LHB: variants seen among roughly 807,000 people sequenced by gnomAD.
LHB encodes luteinizing hormone subunit beta.
LHB carries 11 observed loss-of-function variants against 10.6 expected under a neutral mutation model. That is an observed-to-expected ratio of 1.04 (90% CI 0.66 to 1.72). The LOEUF is 1.72. Ranked by LOEUF, LHB falls within the 40% of genes most tolerant of loss-of-function variation. LHB has a pLI of 0.00. For synonymous variants in LHB, 86 were observed against 83.1 expected (o/e 1.03, Z -0.19); for missense variants, 184 against 197.3 (o/e 0.93, Z 0.41).
upstream of LHB, chr19:49,018,790 T>A: frequency 8.2e-7 from 1 of 1,217,284 alleles, no homozygotes; most frequent in South Asian, 1.3e-5. Context: ...GCTCAGGGAA[T>A]GGGAGCCAGC....
chr19:49,016,255 C>G lies in LHB; in HGVS notation c.239G>C (p.Arg80Pro). The change falls in exon 3 of 3, where the codon CGT becomes CCT. Residue 80 changes from arginine (R) to proline (P), a missense_variant. Transcript: ENST00000649238. ...PPLPQVVCTY[R>P]DVRFESIRLP... ...CCGGATGGACTCGAAGCGCACATCA[C>G]GGTAGGTGCACACCACCTGAGGCAG... is the stretch of plus-strand genomic sequence containing the variant. 1 of 1,612,358 alleles carries G rather than the reference C, an allele frequency of 6.2e-7. No individual in the cohort carries two copies. Among genetic ancestry groups the G allele is most frequent in the Non-Finnish European group, 8.5e-7 (1 of 1,179,876 alleles).
upstream of LHB, chr19:49,017,173 A>G: frequency 6.3e-7 from 1 of 1,590,456 alleles, no homozygotes; most frequent in Non-Finnish European, 8.6e-7. Context: ...ATGCTGGGGT[A>G]ACCTGGACAC....
Position 49,016,674 on chromosome 19 carries a change from C to T in LHB, c.56G>A (p.Trp19Ter), listed in dbSNP as rs768021617. The change falls in exon 2 of 3, where the codon TGG becomes TAG. Residue 19 changes from tryptophan to a stop codon, truncating the protein, a stop_gained. Coordinates refer to ENST00000649238, the MANE Select transcript of LHB (RefSeq NM_000894.3). LOFTEE classifies it high-confidence loss of function. ...LLLLLSMGGA[W>*]ASREPLRPWC... ...TGGCCGAAGCGGCTCCCTGGATGCC[C>T]ATGCCCCGCCCATGCTCAGCAGCAG... The T allele has an allele frequency of 2.5e-6, 4 of 1,611,980 alleles. No individual in the cohort carries two copies. The highest frequency in any genetic ancestry group is 3.4e-6 in the Non-Finnish European group (4 of 1,179,814).
At chr19:49,018,059 T>A, upstream of LHB, 1 of 398,676 alleles carries the variant, frequency 2.5e-6, no homozygotes, top group East Asian at 3.6e-5. Context: ...GGGCTTCCAG[T>A]GCGGGCCGCC....
chr19:49,017,574 C>T, upstream of LHB: 9 of 1,092,188 alleles, frequency 8.2e-6, no homozygotes, highest in Non-Finnish European at 1.0e-5. Flanking sequence ...GCCAGGGAAG[C>T]CACTTGACCC....
At chr19:49,017,910 G>A (rs1234560689), upstream of LHB, 12 of 398,258 alleles carry the variant, frequency 3.0e-5, no homozygotes, top group Non-Finnish European at 5.3e-5. Flanking sequence ...GAGGTCCCGA[G>A]CTCCGCTCGG....
At chr19:49,018,288 C>G (rs2039591467), upstream of LHB, 7 of 1,157,540 alleles carry the variant, frequency 6.0e-6, no homozygotes, top group Non-Finnish European at 6.5e-6. Flanking sequence ...GGCGTCTCTT[C>G]GAAGCTCCAG....
At chr19:49,018,870 T>TA (rs1267008690), upstream of LHB, 1 of 1,533,172 alleles carries the variant, frequency 6.5e-7, no homozygotes, top group Non-Finnish European at 8.7e-7. Context: ...GAGCCCGGCT[T>TA]ACTTGGGATA....
At chr19:49,018,962 G>A (rs2039597657), upstream of LHB, 2 of 1,533,756 alleles carry the variant, frequency 1.3e-6, no homozygotes, top group Admixed American at 2.0e-5. Flanking sequence ...TGAAAGGCCG[G>A]CCAGACAGCT....
chr19:49,016,474 C>G (rs2039555466), intron 2 of LHB, 73 bp downstream of exon 2: 1 of 1,603,782 alleles, frequency 6.2e-7, no homozygotes, highest in South Asian at 1.1e-5. Flanking sequence ...GGCAGACCAC[C>G]CTTCCTCCCC....
At chr19:49,017,948 G>T, upstream of LHB, 1 of 398,708 alleles carries the variant, frequency 2.5e-6, no homozygotes, top group Non-Finnish European at 4.4e-6. Flanking sequence ...CGGGTCTGGG[G>T]TGGGGCTGGC....
At chr19:49,019,478 C>T, upstream of LHB, 1 of 1,231,376 alleles carries the variant, frequency 8.1e-7, no homozygotes, top group Non-Finnish European at 1.0e-6. Context: ...TTTGTAGTCC[C>T]TGGTCCTTCT....
chr19:49,018,573 T>A (rs1295954830), upstream of LHB, among the ~76,000 whole-genome samples: 5 of 151,910 alleles, frequency 3.3e-5, no homozygotes, highest in Non-Finnish European at 7.4e-5. Flanking sequence ...TTCGCTTCCT[T>A]GGGAAGGAGT....
chr19:49,019,371 C>G, upstream of LHB: 1 of 1,243,316 alleles, frequency 8.0e-7, no homozygotes, highest in Non-Finnish European at 1.0e-6. Context: ...TTACCTCTCC[C>G]AACTCCCACC....
In LHB at chr19:49,017,051, G is replaced by A. The variant is rs556547463; in HGVS notation, c.15+16C>T. Reference sequence around the variant, plus strand: ...TGGAAGGAGGTGGAAGGTGCCCAGGGGCCCTGTAGTCTTACCTGGAGCATC... The same window carrying A: ...TGGAAGGAGGTGGAAGGTGCCCAGGAGCCCTGTAGTCTTACCTGGAGCATC... On this transcript the variant is annotated intron_variant, in intron 1 of 2. Transcript: ENST00000649238. The A allele has an allele frequency of 1.2e-6, 2 of 1,613,722 alleles. No individual in the cohort carries two copies. The highest frequency in any genetic ancestry group is 1.7e-6 in the Non-Finnish European group (2 of 1,179,858).
chr19:49,018,925 G>A, upstream of LHB: 3 of 1,534,448 alleles, frequency 2.0e-6, no homozygotes, highest in South Asian at 2.4e-5. Context: ...AGCTGGCGGC[G>A]GTCCAGGACG....
upstream of LHB, chr19:49,019,224 C>T (rs539593738): frequency 7.3e-7 from 1 of 1,374,836 alleles, no homozygotes; most frequent in East Asian, 2.8e-5. Flanking sequence ...CTCCCTAAAT[C>T]CAAGCACCTT....
chr19:49,018,537 G>C (rs2287756), upstream of LHB, among the ~76,000 whole-genome samples: 82,820 of 151,842 alleles, frequency 0.55, 23,476 homozygotes, highest in Admixed American at 0.65. Context: ...CTGAGCTTTC[G>C]CATCCTAGGG....
upstream of LHB, chr19:49,018,824 C>T (rs2039596275): frequency 3.3e-5 from 49 of 1,466,604 alleles, 2 homozygotes; most frequent in South Asian, 5.8e-4. Flanking sequence ...GTGCACCGGC[C>T]ACGGCGGGGG....
Sources: gnomAD v4.1 joint callset for allele counts (sites outside exome capture counted in the v4.1 genomes callset) on GRCh38, gnomAD v4.1.1 for gene constraint, MANE v1.5 for transcripts, NCBI Gene and HGNC (gene_info 2026-07-23, HGNC 2026-07-21) for gene names.